The following GSK3B variants were observed in gnomAD, a reference collection of about 807,000 sequenced individuals.
GSK3B encodes glycogen synthase kinase-3 beta.
In GSK3B, 15 loss-of-function variants were observed where a neutral mutation model predicts 56.4. That is an observed-to-expected ratio of 0.27 (90% confidence interval 0.18 to 0.41). GSK3B has a LOEUF of 0.41. GSK3B is among the 10% of genes least tolerant of loss of function. The pLI is 1.00. For missense variants in GSK3B, 300 were observed against 513.4 expected (o/e 0.58, Z 4.02); for synonymous variants, 181 against 188.9 (o/e 0.96, Z 0.34).
rs947658729 is a variant in GSK3B, at chr3:119,825,258, G to A, written c.*1530C>T. 3 of 228,676 alleles carry A rather than the reference G, an allele frequency of 1.3e-5. No individual in the cohort carries two copies. The highest frequency in any genetic ancestry group is 6.7e-5 in the African/African-American group (3 of 45,090). 14.2% of individuals were successfully genotyped at this position (228,676 alleles called of 1,614,324 possible). Reference sequence around the variant, plus strand: ...GCCCACATAGATGCCAACCTTAAAAGTATAAAACAAACTAGTCATGAAAAT... The same window carrying A: ...GCCCACATAGATGCCAACCTTAAAAATATAAAACAAACTAGTCATGAAAAT... On this transcript the variant is annotated 3_prime_UTR_variant, in exon 11 of 11. Coordinates refer to ENST00000264235, the MANE Select transcript of GSK3B (RefSeq NM_001146156.2).
intron 1 of GSK3B, among the ~76,000 whole-genome samples, chr3:120,076,779 A>C (rs1005845316): frequency 3.6e-4 from 49 of 134,652 alleles, no homozygotes; most frequent in African/African-American, 1.3e-3. Context: ...GCGCCACTGC[A>C]CTCCAGCCTG....
intron 1 of GSK3B, among the ~76,000 whole-genome samples, chr3:120,045,031 G>A (rs975263852): frequency 2.0e-5 from 3 of 152,116 alleles, no homozygotes; most frequent in African/African-American, 7.2e-5. Flanking sequence ...TGTAATACTT[G>A]TACTCATTCT....
At chr3:119,921,738 TA>T (rs1394809396) in intron 4 of GSK3B, among the ~76,000 whole-genome samples, 1 of 152,144 alleles carries the variant, frequency 6.6e-6, no homozygotes, top group Non-Finnish European at 1.5e-5. Context: ...AATATAAACT[TA>T]AAAAAATTAT....
intron 1 of GSK3B, among the ~76,000 whole-genome samples, chr3:120,059,404 AAC>A (rs558425774): frequency 1.6e-4 from 25 of 152,308 alleles, no homozygotes; most frequent in African/African-American, 5.8e-4. Context: ...TGGAACACCT[AAC>A]ACACACTGTC....
intron 5 of GSK3B, among the ~76,000 whole-genome samples, chr3:119,914,051 GT>G (rs1469606879): frequency 1.3e-5 from 2 of 152,026 alleles, no homozygotes; most frequent in African/African-American, 4.8e-5. Context: ...GTAGCCTGAA[GT>G]TTTTTCACTA....
At chr3:119,951,001 G>A (rs546098572) in intron 2 of GSK3B, among the ~76,000 whole-genome samples, 1 of 152,248 alleles carries the variant, frequency 6.6e-6, no homozygotes, top group South Asian at 2.1e-4. Flanking sequence ...GACAGAAAGG[G>A]GAAAGGCCCA....
chr3:120,038,721 TGC>T (rs2058041694), intron 1 of GSK3B, among the ~76,000 whole-genome samples: 1 of 151,232 alleles, frequency 6.6e-6, no homozygotes, highest in Non-Finnish European at 1.5e-5. Flanking sequence ...TAAAGTAAAA[TGC>T]AAAGCTATAA....
At chr3:119,985,375 T>C (rs895578911) in intron 2 of GSK3B, among the ~76,000 whole-genome samples, 27 of 152,158 alleles carry the variant, frequency 1.8e-4, no homozygotes, top group Non-Finnish European at 3.5e-4. Flanking sequence ...GGCATTCAAT[T>C]AGGAAACAAG....
rs1331335450 is a variant in GSK3B at position 120,083,336 on chromosome 3, C to T, written c.88+10011G>A. 2.0e-5 allele frequency among the ~76,000 whole-genome samples: 3 copies of T among 152,022 alleles called. No individual in the cohort carries two copies. In the South Asian group the frequency reaches 6.2e-4, roughly 32 times the overall value. On this transcript the variant is annotated intron_variant, in intron 1 of 10. Transcript: ENST00000264235. ...AAGTCAGAGGATGACAGCTGTACAA[C>T]GGGGCCTGGAGAACAACTAGATCAG...
chr3:119,861,522 A>C (rs145735673), intron 9 of GSK3B, among the ~76,000 whole-genome samples: 265 of 151,886 alleles, frequency 1.7e-3, no homozygotes, highest in African/African-American at 5.6e-3. Flanking sequence ...AAAAAAAAAA[A>C]AACAAAACAA....
intron 3 of GSK3B, among the ~76,000 whole-genome samples, chr3:119,929,227 C>A (rs1204368441): frequency 6.6e-6 from 1 of 152,122 alleles, no homozygotes; most frequent in Non-Finnish European, 1.5e-5. Flanking sequence ...ACAGAATGCT[C>A]AATTGGTGTG....
rs182255499 is a variant in GSK3B at position 119,826,970 on chromosome 3, T to C, written c.1196-115A>G. ...CTGTATGGCCTTCCAAGCTGTTATT[T>C]GGAACGTTGTTTTAAATAAGGCCAA... On this transcript the variant is annotated intron_variant, in intron 10 of 10. Coordinates refer to ENST00000264235, the MANE Select transcript of GSK3B (RefSeq NM_001146156.2). 322 of 674,770 alleles carry C rather than the reference T, an allele frequency of 4.8e-4. 1 individual carries two copies. In the African/African-American group the frequency reaches 4.9e-3, roughly 10 times the overall value. The allele number at this position is 674,770 out of a possible 1,614,324, so 41.8% of individuals were successfully genotyped here. A position where few individuals can be genotyped will look rare whatever the true frequency, so the allele number is the denominator to read the frequency against.
At chr3:120,049,846 C>A (rs529001589) in intron 1 of GSK3B, among the ~76,000 whole-genome samples, 1 of 152,114 alleles carries the variant, frequency 6.6e-6, no homozygotes, top group Non-Finnish European at 1.5e-5. Flanking sequence ...GTCACAACTA[C>A]AAAATTCTGC....
At position 119,897,793 on chromosome 3, in the gene GSK3B, C is replaced by CAAA. The variant is rs11464173; in HGVS notation, c.813+7959_813+7961dup. Among the ~76,000 whole-genome samples, 53 of 73,106 alleles carry CAAA rather than the reference C, an allele frequency of 7.2e-4. 1 individual carries two copies. The highest frequency in any genetic ancestry group is 2.0e-3 in the African/African-American group (49 of 24,008). The allele number at this position is 73,106 out of a possible 152,430, so 48.0% of individuals were successfully genotyped here. A position where few individuals can be genotyped will look rare whatever the true frequency, so the allele number is the denominator to read the frequency against. On this transcript the variant is annotated intron_variant, in intron 7 of 10. Coordinates refer to ENST00000264235, the MANE Select transcript of GSK3B (RefSeq NM_001146156.2). ...TGGGTGACAGAGCAAGACTCTGTCT[C>CAAA]AAAAAAAAAAAAAAAAAAGAAAAAG...
At chr3:119,833,690 GTTTT>G (rs902919136) in intron 10 of GSK3B, among the ~76,000 whole-genome samples, 7 of 75,786 alleles carry the variant, frequency 9.2e-5, no homozygotes, top group Admixed American at 2.9e-4. Flanking sequence ...ACATTAGGTT[GTTTT>G]TTTTTTTTTT....
chr3:119,845,214 G>A lies in GSK3B; in HGVS notation c.1097-1861C>T, dbSNP rs115330961. Among the ~76,000 whole-genome samples, 137 of 152,220 alleles carry A rather than the reference G, an allele frequency of 9.0e-4. 1 individual carries two copies. The highest frequency in any genetic ancestry group is 3.3e-3 in the African/African-American group (135 of 41,526). On this transcript the variant is annotated intron_variant, in intron 9 of 10. Transcript: ENST00000264235. ...ACCCACAGCCAATACGGTACTGAACGTTTCAGGCAAAAGCTGGAAGCATTC... is the reference window on the plus strand; with the variant it reads ...ACCCACAGCCAATACGGTACTGAACATTTCAGGCAAAAGCTGGAAGCATTC...
intron 1 of GSK3B, among the ~76,000 whole-genome samples, chr3:120,049,502 C>T (rs981805099): frequency 1.3e-5 from 2 of 151,978 alleles, no homozygotes; most frequent in Non-Finnish European, 2.9e-5. Flanking sequence ...GGTAAGTTGA[C>T]GAGAAAGAGA....
At chr3:120,052,440 G>A (rs188670996) in intron 1 of GSK3B, among the ~76,000 whole-genome samples, 70 of 152,260 alleles carry the variant, frequency 4.6e-4, no homozygotes, top group Non-Finnish European at 1.3e-4. Flanking sequence ...AGATTCATGA[G>A]CCTCACCAGG....
chr3:119,975,784 T>C (rs765597055), intron 2 of GSK3B, among the ~76,000 whole-genome samples: 76 of 152,118 alleles, frequency 5.0e-4, no homozygotes, highest in Non-Finnish European at 8.2e-4. Flanking sequence ...GTATAAATAA[T>C]GGTATATTGA....
Sources: allele counts gnomAD v4.1 joint callset (sites outside exome capture counted in the v4.1 genomes callset), GRCh38; gene constraint gnomAD v4.1.1; transcripts MANE v1.5; gene names NCBI Gene and HGNC (gene_info 2026-07-23, HGNC 2026-07-21).